Variants in ATP8A2 observed in about 807,000 individuals in gnomAD.
The protein encoded by ATP8A2 is ATPase phospholipid transporting 8A2, also known as phospholipid-transporting ATPase IB.
A neutral mutation model predicts 165.6 loss-of-function variants in ATP8A2; 100 were observed. The observed-to-expected ratio is 0.60, with a 90% CI of 0.51 to 0.71. The LOEUF is 0.71. Among genes scored for constraint, ATP8A2 ranks in the 30% least tolerant of loss-of-function variants. ATP8A2 has a pLI of 0.00. For synonymous variants in ATP8A2, 543 were observed against 548.8 expected, an observed-to-expected ratio of 0.99 and a Z score of 0.15; for missense variants, 1,227 against 1,479.5, an observed-to-expected ratio of 0.83 and a Z score of 2.80.
intron 27 of ATP8A2, among the ~76,000 whole-genome samples, chr13:25,796,857 T>G (rs1242808262): frequency 1.3e-5 from 2 of 152,250 alleles, no homozygotes; most frequent in South Asian, 2.1e-4. Context: ...TACTTGGTTT[T>G]TTTTAAATCT....
intron 2 of ATP8A2, among the ~76,000 whole-genome samples, chr13:25,512,761 G>A (rs1277544355): frequency 6.9e-6 from 1 of 145,768 alleles, no homozygotes; most frequent in Admixed American, 6.7e-5. Context: ...CCTCCCGGAT[G>A]GGGCGGCTGG....
At chr13:25,638,294 C>T (rs543075937) in intron 24 of ATP8A2, among the ~76,000 whole-genome samples, 12 of 152,156 alleles carry the variant, frequency 7.9e-5, no homozygotes, top group African/African-American at 2.4e-4. Flanking sequence ...AGGCTTCAGA[C>T]GATCAAACTT....
At chr13:25,480,017 G>A (rs938828645) in intron 2 of ATP8A2, among the ~76,000 whole-genome samples, 11 of 152,238 alleles carry the variant, frequency 7.2e-5, no homozygotes, top group Admixed American at 3.9e-4. Flanking sequence ...CACACCTCCC[G>A]GACGGGGTGG....
At chr13:25,436,913 A>T (rs1246992567) in intron 1 of ATP8A2, among the ~76,000 whole-genome samples, 5 of 151,928 alleles carry the variant, frequency 3.3e-5, no homozygotes, top group Non-Finnish European at 5.9e-5. Context: ...AGTAGCTGGG[A>T]CTACAGGTGC....
intron 25 of ATP8A2, among the ~76,000 whole-genome samples, chr13:25,746,869 A>C (rs2044043477): frequency 1.3e-5 from 2 of 152,214 alleles, no homozygotes; most frequent in African/African-American, 4.8e-5. Flanking sequence ...TCTTAATTTT[A>C]TGTTAAACAT....
intron 25 of ATP8A2, among the ~76,000 whole-genome samples, chr13:25,720,919 A>T (rs1183637461): frequency 1.3e-5 from 2 of 150,620 alleles, no homozygotes; most frequent in Non-Finnish European, 3.0e-5. Context: ...GACTGGGCAG[A>T]GAGGCCTCAG....
At chr13:25,902,005 T>C (rs896726567) in intron 33 of ATP8A2, among the ~76,000 whole-genome samples, 10 of 152,258 alleles carry the variant, frequency 6.6e-5, no homozygotes, top group African/African-American at 2.4e-4. Context: ...ATAATCTAGT[T>C]ATATTAAGCT....
intron 1 of ATP8A2, among the ~76,000 whole-genome samples, chr13:25,388,481 G>T (rs1011633918): frequency 3.0e-4 from 46 of 152,204 alleles, no homozygotes; most frequent in African/African-American, 1.1e-3. Context: ...AAGGGGGTCC[G>T]TGTGAGAGGA....
intron 10 of ATP8A2, among the ~76,000 whole-genome samples, chr13:25,546,261 G>C (rs1162357528): frequency 6.6e-6 from 1 of 152,062 alleles, no homozygotes; most frequent in Non-Finnish European, 1.5e-5. Flanking sequence ...CTTGTCCCTA[G>C]GTGTGAGAAA....
chr13:25,554,949 A>G (rs770036078), intron 12 of ATP8A2, 42 bp from the exon 13 acceptor site: 1 of 1,196,416 alleles, frequency 8.4e-7, no homozygotes, highest in Non-Finnish European at 1.2e-6. Context: ...AATTAATGGT[A>G]TATATTTTCT....
At chr13:25,561,854 T>C (rs889196356) in intron 15 of ATP8A2, among the ~76,000 whole-genome samples, 5 of 152,238 alleles carry the variant, frequency 3.3e-5, no homozygotes, top group African/African-American at 9.6e-5. Context: ...AGGTACCTCA[T>C]GCAAGTGAAA....
chr13:25,740,002 A>G (rs1231091298), intron 25 of ATP8A2, among the ~76,000 whole-genome samples: 2 of 152,180 alleles, frequency 1.3e-5, no homozygotes, highest in Non-Finnish European at 1.5e-5. Context: ...GGCCACCTAC[A>G]TTGCTCATCC....
intron 35 of ATP8A2, among the ~76,000 whole-genome samples, chr13:26,005,050 G>T (rs558633330): frequency 1.2e-4 from 19 of 152,094 alleles, no homozygotes; most frequent in Admixed American, 4.6e-4. Flanking sequence ...AAAAGTTTGA[G>T]AATTGGTATT....
chr13:25,855,477 T>A (rs1365365099), intron 30 of ATP8A2, among the ~76,000 whole-genome samples: 1 of 152,236 alleles, frequency 6.6e-6, no homozygotes, highest in African/African-American at 2.4e-5. Context: ...TGCCTAATAA[T>A]GGTGTTCTAT....
At chr13:25,536,755 G>T (rs1402052614) in intron 6 of ATP8A2, among the ~76,000 whole-genome samples, 1 of 152,154 alleles carries the variant, frequency 6.6e-6, no homozygotes, top group East Asian at 1.9e-4. Context: ...ATGGTCTTCT[G>T]GTATCGTCAG....
intron 1 of ATP8A2, among the ~76,000 whole-genome samples, chr13:25,465,558 A>AT (rs35250359): frequency 0.57 from 80,482 of 140,242 alleles, 24,347 homozygotes; most frequent in East Asian, 0.87. Flanking sequence ...TTTATCAGTG[A>AT]TTTTTTTTTT....
At chr13:25,423,535 T>C (rs533362473) in intron 1 of ATP8A2, among the ~76,000 whole-genome samples, 8 of 152,340 alleles carry the variant, frequency 5.3e-5, no homozygotes, top group African/African-American at 1.7e-4. Context: ...GTGATTTTTT[T>C]CTAAAAGCTG....
intron 2 of ATP8A2, among the ~76,000 whole-genome samples, chr13:25,493,258 T>G (rs17082378): frequency 0.079 from 12,022 of 152,262 alleles, 687 homozygotes; most frequent in African/African-American, 0.16. Flanking sequence ...CATTAATTAT[T>G]TCTGTCTTAA....
chr13:25,513,056 G>A (rs982081645), intron 2 of ATP8A2, among the ~76,000 whole-genome samples: 1 of 149,394 alleles, frequency 6.7e-6, no homozygotes, highest in Non-Finnish European at 1.5e-5. Flanking sequence ...GCCTGGCGGG[G>A]GCTGACCCCC....
Sources: allele counts gnomAD v4.1 joint callset (sites outside exome capture counted in the v4.1 genomes callset), GRCh38; gene constraint gnomAD v4.1.1; transcripts MANE v1.5; gene names NCBI Gene and HGNC (gene_info 2026-07-23, HGNC 2026-07-21).